Variants in FBXL7 observed in about 807,000 individuals in gnomAD.
FBXL7 encodes F-box and leucine rich repeat protein 7, also known as F-box/LRR-repeat protein 7.
FBXL7 carries 12 observed loss-of-function variants against 38.3 expected under a neutral mutation model. The observed-to-expected ratio is 0.31, with a 90% CI of 0.20 to 0.51. The LOEUF (loss-of-function observed/expected upper bound fraction) is 0.51. Among genes scored for constraint, FBXL7 ranks in the 20% least tolerant of loss-of-function variants. FBXL7 has a pLI of 0.98. For synonymous variants in FBXL7, 297 were observed against 300.9 expected (o/e 0.99, Z 0.13); for missense variants, 567 against 676.4 (o/e 0.84, Z 1.79).
At chr5:15,889,220 C>G (rs1740804152) in intron 2 of FBXL7, among the ~76,000 whole-genome samples, 1 of 152,182 alleles carries the variant, frequency 6.6e-6, no homozygotes, top group African/African-American at 2.4e-5. Flanking sequence ...ACACTCCTCT[C>G]TGGGCTTCAG....
chr5:15,582,797 T>G (rs1739181754), intron 1 of FBXL7, among the ~76,000 whole-genome samples: 1 of 152,232 alleles, frequency 6.6e-6, no homozygotes, highest in South Asian at 2.1e-4. Flanking sequence ...TTGAGCCCCC[T>G]CACCCTACTA....
chr5:15,510,152 G>A (rs1736756249), intron 1 of FBXL7, among the ~76,000 whole-genome samples: 1 of 152,206 alleles, frequency 6.6e-6, no homozygotes, highest in African/African-American at 2.4e-5. Flanking sequence ...AGCACTGCGT[G>A]AACTCATAAT....
rs1554017097 is a variant in FBXL7, at chr5:15,722,930, CA to C, written c.127+106869del. On this transcript the variant is annotated intron_variant, in intron 2 of 3. Coordinates refer to ENST00000504595, the MANE Select transcript of FBXL7 (RefSeq NM_012304.5). ...GAGCAAGACTCCGTCTCAAAAAAAA[CA>C]AAAAAAAAAAGAGAGAAGAGAAAAC... Among the ~76,000 whole-genome samples, 54 of 142,064 alleles carry C rather than the reference CA, an allele frequency of 3.8e-4. 1 individual carries two copies. Among genetic ancestry groups the C allele is most frequent in the African/African-American group, 9.7e-4 (37 of 38,140 alleles). 93.2% of individuals were successfully genotyped at this position (142,064 alleles called of 152,430 possible).
chr5:15,913,285 T>C (rs1262715981), intron 2 of FBXL7, among the ~76,000 whole-genome samples: 2 of 150,846 alleles, frequency 1.3e-5, no homozygotes, highest in African/African-American at 2.4e-5. Context: ...TTTTTTATTA[T>C]ACTCTAAGTT....
chr5:15,519,328 G>C (rs1250247303), intron 1 of FBXL7, among the ~76,000 whole-genome samples: 1 of 151,980 alleles, frequency 6.6e-6, no homozygotes, highest in Non-Finnish European at 1.5e-5. Context: ...GGGTGACAGA[G>C]CGAGACTCCA....
At chr5:15,515,850 T>G (rs574966785) in intron 1 of FBXL7, among the ~76,000 whole-genome samples, 2 of 152,270 alleles carry the variant, frequency 1.3e-5, no homozygotes, top group African/African-American at 4.8e-5. Context: ...ATTAGTCATT[T>G]TATTACACTC....
chr5:15,921,180 G>A (rs994481865), intron 2 of FBXL7, among the ~76,000 whole-genome samples: 7 of 151,996 alleles, frequency 4.6e-5, no homozygotes, highest in African/African-American at 7.2e-5. Context: ...TCAGGAGTTC[G>A]AGACCAGCCT....
At chr5:15,622,867 G>A (rs1185470253) in intron 2 of FBXL7, among the ~76,000 whole-genome samples, 1 of 152,052 alleles carries the variant, frequency 6.6e-6, no homozygotes, top group Non-Finnish European at 1.5e-5. Flanking sequence ...ACCATGCCCG[G>A]CTAATTTTTG....
chr5:15,651,987 G>A (rs1170900838), intron 2 of FBXL7, among the ~76,000 whole-genome samples: 1 of 152,156 alleles, frequency 6.6e-6, no homozygotes, highest in Non-Finnish European at 1.5e-5. Flanking sequence ...GCTTCCTCTT[G>A]CACTTTTATC....
chr5:15,605,445 C>T (rs1388444223), intron 1 of FBXL7, among the ~76,000 whole-genome samples: 3 of 152,028 alleles, frequency 2.0e-5, no homozygotes, highest in African/African-American at 7.2e-5. Flanking sequence ...TGTGGGTGAA[C>T]CTTGAAGACA....
At chr5:15,737,472 G>A (rs957339684) in intron 2 of FBXL7, among the ~76,000 whole-genome samples, 10 of 152,144 alleles carry the variant, frequency 6.6e-5, no homozygotes, top group African/African-American at 1.7e-4. Flanking sequence ...GAAGTAAACC[G>A]GTAGAATAGT....
intron 2 of FBXL7, among the ~76,000 whole-genome samples, chr5:15,902,525 C>T (rs1237202788): frequency 6.6e-6 from 1 of 152,186 alleles, no homozygotes; most frequent in Non-Finnish European, 1.5e-5. Flanking sequence ...TGGTACAATC[C>T]AGATTTCACA....
chr5:15,901,676 G>C (rs1430697720), intron 2 of FBXL7, among the ~76,000 whole-genome samples: 1 of 152,132 alleles, frequency 6.6e-6, no homozygotes, highest in Non-Finnish European at 1.5e-5. Context: ...ACAAAGTATT[G>C]CCCTTCTGAG....
chr5:15,798,418 G>A (rs551758282), intron 2 of FBXL7, among the ~76,000 whole-genome samples: 1 of 152,134 alleles, frequency 6.6e-6, no homozygotes, highest in African/African-American at 2.4e-5. Context: ...GAATCTGATA[G>A]TTCTTCCACA....
At chr5:15,529,398 T>C (rs1167214201) in intron 1 of FBXL7, among the ~76,000 whole-genome samples, 5 of 152,128 alleles carry the variant, frequency 3.3e-5, no homozygotes, top group Non-Finnish European at 7.4e-5. Flanking sequence ...TTCTTTTTTT[T>C]TTTTTAAGAC....
chr5:15,709,403 G>A lies in FBXL7; in HGVS notation c.127+93331G>A, dbSNP rs1208035089. On this transcript the variant is annotated intron_variant, in intron 2 of 3. Coordinates refer to ENST00000504595, the MANE Select transcript of FBXL7 (RefSeq NM_012304.5). ...ACAAAAATTAGCCGGGTGTGGTTGT[G>A]CACACCTGTAATCCCAGCTACTAGG... Among the ~76,000 whole-genome samples, 3 of 151,872 alleles carry A rather than the reference G, an allele frequency of 2.0e-5. No individual in the cohort carries two copies. The East Asian group carries it at 5.8e-4, about 29-fold the overall frequency.
chr5:15,859,713 T>C (rs536617802), intron 2 of FBXL7, among the ~76,000 whole-genome samples: 2 of 152,190 alleles, frequency 1.3e-5, no homozygotes, highest in East Asian at 3.9e-4. Context: ...TTACCTCCCA[T>C]CAGGTCCCTC....
chr5:15,761,729 G>A (rs1231477086), intron 2 of FBXL7, among the ~76,000 whole-genome samples: 1 of 152,120 alleles, frequency 6.6e-6, no homozygotes, highest in Non-Finnish European at 1.5e-5. Flanking sequence ...ATTTTTAGTA[G>A]AGATGGGATT....
intron 1 of FBXL7, among the ~76,000 whole-genome samples, chr5:15,529,744 T>A (rs932023365): frequency 2.0e-5 from 3 of 152,216 alleles, no homozygotes; most frequent in Non-Finnish European, 4.4e-5. Flanking sequence ...ATCTTTCTTT[T>A]ATGTTTTTAT....
Sources: allele counts gnomAD v4.1 joint callset (sites outside exome capture counted in the v4.1 genomes callset), GRCh38; gene constraint gnomAD v4.1.1; transcripts MANE v1.5; gene names NCBI Gene and HGNC (gene_info 2026-07-23, HGNC 2026-07-21).